Variants in C1orf94 observed in about 807,000 individuals in gnomAD.
The protein encoded by C1orf94 is chromosome 1 open reading frame 94, also known as uncharacterized protein C1orf94.
A neutral mutation model predicts 53.6 loss-of-function variants in C1orf94; 45 were observed. That is an observed-to-expected ratio of 0.84 (90% CI 0.66 to 1.08). The LOEUF (loss-of-function observed/expected upper bound fraction) is 1.08. Among genes scored for constraint, C1orf94 ranks in the 50% least tolerant of loss-of-function variants. The pLI is 0.00. For synonymous variants in C1orf94, 304 were observed against 296.1 expected, an observed-to-expected ratio of 1.03 and a Z score of -0.27; for missense variants, 762 against 738.9, an observed-to-expected ratio of 1.03 and a Z score of -0.36.
intron 1 of C1orf94, among the ~76,000 whole-genome samples, chr1:34,194,524 TA>T (rs968261905): frequency 1.3e-5 from 2 of 152,176 alleles, no homozygotes; most frequent in Non-Finnish European, 2.9e-5. Flanking sequence ...AATATTTGTA[TA>T]AAATAAAGCA....
At position 34,177,867 on chromosome 1, in the gene C1orf94, C is replaced by A. The variant is rs1053329954; in HGVS notation, c.78C>A (p.Ser26Arg). The A allele has an allele frequency of 6.4e-7, 1 of 1,551,112 alleles. No individual in the cohort carries two copies. Among genetic ancestry groups the A allele is most frequent in the Non-Finnish European group, 8.7e-7 (1 of 1,146,664 alleles). ...AGAAAGAGAGGAGGAGGATGGCCAG[C>A]GGGAATGGGCTTCCTTCATCCTCGG... ...GFQKERRRMA[S>R]GNGLPSSSAL... Residue 26 changes from serine (S) to arginine (R), a missense_variant, in exon 1 of 7, where the codon AGC becomes AGA. Physicochemically the swap from Ser to Arg is moderately radical, Grantham distance 110. Transcript: ENST00000488417.
intron 6 of C1orf94, 124 bp downstream of exon 6, chr1:34,212,530 C>G: frequency 1.0e-6 from 1 of 986,794 alleles, no homozygotes; most frequent in Non-Finnish European, 1.5e-6. Flanking sequence ...TGGGATGGGC[C>G]CTGTACCTGT....
In C1orf94 at chr1:34,168,847, C is replaced by T. The variant is rs566469805; in HGVS notation, c.-251+1676C>T. ...AAGACTCTACCTCCAAATAAGGTCA[C>T]ATCCTGAAGTACTAGGGGTTCGGAC... On this transcript the variant is annotated intron_variant, in intron 1 of 6. Transcript: ENST00000373374. Among the ~76,000 whole-genome samples, 115 of 152,332 alleles carry T rather than the reference C, an allele frequency of 7.5e-4. 2 individuals are homozygous for T. In the South Asian group the frequency reaches 0.023, roughly 30 times the overall value.
At chr1:34,182,547 T>A (rs1483313060) in intron 1 of C1orf94, among the ~76,000 whole-genome samples, 1 of 152,056 alleles carries the variant, frequency 6.6e-6, no homozygotes, top group Non-Finnish European at 1.5e-5. Flanking sequence ...GGAGGCCTAA[T>A]GGTGGCAGTG....
Position 34,202,099 on chromosome 1 carries a change from C to A in C1orf94, c.1286C>A (p.Thr429Lys), listed in dbSNP as rs761099051. The A allele has an allele frequency of 6.2e-7, 1 of 1,613,550 alleles. No homozygotes were observed. Among genetic ancestry groups the A allele is most frequent in the East Asian group, 2.2e-5 (1 of 44,872 alleles). Reference sequence around the variant, plus strand: ...TGACTTGCAGTTAACGCACCTGTGACGGTTGCTGACAAGAACAACCCGAAG... The same window carrying A: ...TGACTTGCAGTTAACGCACCTGTGAAGGTTGCTGACAAGAACAACCCGAAG... ...GPELKFNAPV[T>K]VADKNNPKYT... Residue 429 changes from threonine (T) to lysine (K), a missense_variant, in exon 4 of 7, where the codon ACG (threonine) becomes AAG (lysine). Transcript: ENST00000488417.
Position 34,197,765 on chromosome 1 carries a change from C to A in C1orf94, c.861C>A (p.Ser287Arg). ...GPGPKEPTGL[S>R]PFLLLPPRPP... ...GACCCAAGGAGCCCACAGGGCTGAGCCCATTTCTGCTGCTGCCTCCCCGAC... is the reference window on the plus strand; with the variant it reads ...GACCCAAGGAGCCCACAGGGCTGAGACCATTTCTGCTGCTGCCTCCCCGAC... Residue 287 changes from serine (S) to arginine (R), a missense_variant, in exon 2 of 7, where the codon AGC (serine) becomes AGA (arginine). Ser to Arg is a moderately radical substitution (Grantham distance 110, BLOSUM62 -1). Transcript: ENST00000488417. This position sits in a 1 kb window ranked among gnomAD's most constrained non-coding sequence, Gnocchi z 4.1. 6.2e-7 allele frequency: 1 copy of A among 1,614,210 alleles called. No homozygotes were observed. Among genetic ancestry groups the A allele is most frequent in the Non-Finnish European group, 8.5e-7 (1 of 1,180,048 alleles).
At chr1:34,199,566 A>G (rs1159579169) in intron 2 of C1orf94, among the ~76,000 whole-genome samples, 1 of 152,206 alleles carries the variant, frequency 6.6e-6, no homozygotes, top group Non-Finnish European at 1.5e-5. Context: ...ATTATTATCA[A>G]CAGGTAACAC....
At chr1:34,199,887 C>T (rs143093221) in intron 2 of C1orf94, among the ~76,000 whole-genome samples, 32 of 152,318 alleles carry the variant, frequency 2.1e-4, no homozygotes, top group Admixed American at 1.2e-3. Context: ...CCCCAATACC[C>T]CTGGATGTAA....
In C1orf94 at chr1:34,218,915, A is replaced by G. The variant is rs1643036025; in HGVS notation, c.*154A>G. The stretch of plus-strand genomic sequence containing the variant: ...CAAGACCAGATTCATCTATTGGCCA[A>G]CACTGACACAAAAATAGCCCTCCTC... On this transcript the variant is annotated 3_prime_UTR_variant, in exon 7 of 7. Transcript: ENST00000488417. The G allele has an allele frequency of 2.0e-6, 1 of 494,464 alleles. No individual in the cohort carries two copies. The highest frequency in any genetic ancestry group is 3.6e-5 in the Admixed American group (1 of 28,016). 30.6% of individuals were successfully genotyped at this position (494,464 alleles called of 1,614,324 possible).
Position 34,208,266 on chromosome 1 carries a change from G to T in C1orf94, c.1524+32G>T, listed in dbSNP as rs746560436. Reference sequence around the variant, plus strand: ...AGACGATCTCTCCTCCTCTGTCCTGGGTCCATGAAGGCCTTTGGGTCAGAG... The same window carrying T: ...AGACGATCTCTCCTCCTCTGTCCTGTGTCCATGAAGGCCTTTGGGTCAGAG... On this transcript the variant is annotated intron_variant, in intron 5 of 6. Coordinates refer to ENST00000488417, the MANE Select transcript of C1orf94 (RefSeq NM_001134734.2). 3 of 1,601,742 alleles carry T rather than the reference G, an allele frequency of 1.9e-6. No homozygotes were observed. The South Asian group carries it at 3.4e-5, about 18-fold the overall frequency.
chr1:34,197,274 C>G lies in C1orf94; in HGVS notation c.370C>G (p.Gln124Glu), dbSNP rs987907135. The change falls in exon 2 of 7, where the codon CAG (glutamine) becomes GAG (glutamate). Residue 124 changes from glutamine (Q) to glutamate (E), a missense_variant. Coordinates refer to ENST00000488417, the MANE Select transcript of C1orf94 (RefSeq NM_001134734.2). The surrounding 1 kb of genome is among the most constrained non-coding windows in gnomAD (Gnocchi z 4.1). Reference sequence around the variant, plus strand: ...AGATGAGATCTCCTTGTTGGTGGAACAGGAGTTCCTAAGCCTCACCAAAGA... The same window carrying G: ...AGATGAGATCTCCTTGTTGGTGGAAGAGGAGTTCCTAAGCCTCACCAAAGA... The part of the protein sequence containing the change: ...GKDEISLLVE[Q>E]EFLSLTKEHS... The G allele has an allele frequency of 6.4e-7, 1 of 1,550,518 alleles. No individual in the cohort carries two copies. The highest frequency in any genetic ancestry group is 1.2e-5 in the South Asian group (1 of 83,970).
At chr1:34,172,983 G>A (rs12070960), upstream of C1orf94, among the ~76,000 whole-genome samples, 3,016 of 152,314 alleles carry the variant, frequency 0.02, 104 homozygotes, top group African/African-American at 0.069. Context: ...ACCTACAAAA[G>A]CGTTTGAGTC....
chr1:34,211,521 C>T (rs561004558), intron 5 of C1orf94, among the ~76,000 whole-genome samples: 2 of 152,226 alleles, frequency 1.3e-5, no homozygotes, highest in South Asian at 2.1e-4. Flanking sequence ...TTTTTTTGCC[C>T]TTCCTCCTAG....
intron 6 of C1orf94, among the ~76,000 whole-genome samples, chr1:34,216,303 A>G (rs1642986594): frequency 6.6e-6 from 1 of 152,166 alleles, no homozygotes; most frequent in African/African-American, 2.4e-5. Flanking sequence ...AGAAGAGAAG[A>G]GATCCAAGGG....
In C1orf94 at chr1:34,178,085, G is replaced by A. The variant is rs1211988191; in HGVS notation, c.296G>A (p.Gly99Asp). 30 of 1,551,518 alleles carry A rather than the reference G, an allele frequency of 1.9e-5. No individual in the cohort carries two copies. The highest frequency in any genetic ancestry group is 4.8e-5 in the South Asian group (4 of 84,056). The change falls in exon 1 of 7, where the codon GGC (glycine) becomes GAC (aspartate). Residue 99 changes from glycine to aspartate, a missense_variant. By Grantham distance (94) the Gly-to-Asp change is moderately conservative. Transcript: ENST00000488417. Reference protein sequence around the residue: ...LSVPVVGTLRGNELSFQEEAL... With the variant: ...LSVPVVGTLRDNELSFQEEAL... ...GTCCCTGTGGTTGGAACTCTAAGAG[G>A]CAATGAGCTCAGCTTTCAAGAAGAG...
chr1:34,214,072 T>G (rs1642943668), intron 6 of C1orf94, among the ~76,000 whole-genome samples: 1 of 152,202 alleles, frequency 6.6e-6, no homozygotes, highest in Non-Finnish European at 1.5e-5. Flanking sequence ...TTCAGAGAAC[T>G]GAGAGCAGAT....
chr1:34,201,097 G>A, intron 3 of C1orf94, 65 bp downstream of exon 3: 1 of 1,526,288 alleles, frequency 6.6e-7, no homozygotes, highest in Non-Finnish European at 8.8e-7. Context: ...ACAGGCTTCA[G>A]GGTGGCTCTG....
intron 1 of C1orf94, among the ~76,000 whole-genome samples, chr1:34,182,011 T>C (rs1035205332): frequency 6.6e-6 from 1 of 152,074 alleles, no homozygotes; most frequent in Admixed American, 6.5e-5. Flanking sequence ...CTGGGCAACA[T>C]GGCAAGACCT....
chr1:34,213,689 C>T (rs1296172593), intron 6 of C1orf94, among the ~76,000 whole-genome samples: 1 of 151,896 alleles, frequency 6.6e-6, no homozygotes, highest in Non-Finnish European at 1.5e-5. Flanking sequence ...TACAGACGTC[C>T]ACCACCACAC....
Sources: gnomAD v4.1 joint callset for allele counts (sites outside exome capture counted in the v4.1 genomes callset) on GRCh38, gnomAD v4.1.1 for gene constraint, Gnocchi (gnomAD v3.1) non-coding constraint, MANE v1.5 for transcripts, NCBI Gene and HGNC (gene_info 2026-07-23, HGNC 2026-07-21) for gene names.